Variants in ANO2 observed in about 807,000 individuals in gnomAD.
ANO2 encodes the protein anoctamin 2.
In ANO2, 101 loss-of-function variants were observed where a neutral mutation model predicts 124.2. The observed-to-expected ratio is 0.81, with a 90% CI of 0.69 to 0.96. ANO2 has a LOEUF of 0.96. ANO2 is among the 40% of genes least tolerant of loss of function. The pLI, the probability that ANO2 is intolerant of heterozygous loss-of-function variation, is 0.00. For synonymous variants in ANO2, 486 were observed against 482.5 expected (o/e 1.01, Z -0.09); for missense variants, 1,293 against 1,274.5 (o/e 1.01, Z -0.22).
At chr12:5,919,919 G>A (rs891912693) in intron 3 of ANO2, among the ~76,000 whole-genome samples, 4 of 152,024 alleles carry the variant, frequency 2.6e-5, no homozygotes, top group East Asian at 3.9e-4. Context: ...GAATGATCTC[G>A]ATCTCCTGAC....
chr12:5,579,914 G>C (rs1942646703), intron 20 of ANO2, among the ~76,000 whole-genome samples: 3 of 152,178 alleles, frequency 2.0e-5, no homozygotes, highest in Non-Finnish European at 4.4e-5. Flanking sequence ...CCTTGGTGAA[G>C]CCCCATCCCT....
intron 17 of ANO2, 106 bp from the exon 18 acceptor site, chr12:5,613,064 G>T: frequency 8.8e-7 from 1 of 1,140,136 alleles, no homozygotes; most frequent in Non-Finnish European, 1.3e-6. Flanking sequence ...CTCTTCGAAA[G>T]CACTGGTCAG....
At chr12:5,932,851 G>C (rs572996858) in intron 1 of ANO2, among the ~76,000 whole-genome samples, 40 of 152,328 alleles carry the variant, frequency 2.6e-4, no homozygotes, top group African/African-American at 9.6e-4. Flanking sequence ...TCTCCCTAGA[G>C]CTGTCAGGGA....
intron 3 of ANO2, among the ~76,000 whole-genome samples, chr12:5,907,114 G>C (rs990728139): frequency 1.3e-5 from 2 of 152,196 alleles, no homozygotes; most frequent in African/African-American, 2.4e-5. Context: ...TCTCAACAAA[G>C]AGTAAGCAGG....
intron 9 of ANO2, among the ~76,000 whole-genome samples, chr12:5,803,676 C>A (rs1049525567): frequency 6.6e-6 from 1 of 152,180 alleles, no homozygotes; most frequent in African/African-American, 2.4e-5. Flanking sequence ...CATCTACCCC[C>A]ACGCTGCTCC....
At chr12:5,603,711 C>T (rs921792077) in intron 19 of ANO2, among the ~76,000 whole-genome samples, 4 of 151,870 alleles carry the variant, frequency 2.6e-5, no homozygotes, top group Non-Finnish European at 4.4e-5. Context: ...TTTGGGAAGC[C>T]GAGGCGGGCA....
rs906396827 is a variant in ANO2 at position 5,904,629 on chromosome 12, G to A, written c.534+16411C>T. Among the ~76,000 whole-genome samples, 7 of 152,072 alleles carry A rather than the reference G, an allele frequency of 4.6e-5. No individual in the cohort carries two copies. Among genetic ancestry groups the A allele is most frequent in the African/African-American group, 7.2e-5 (3 of 41,392 alleles). ...GCCCCAGGTGACCCTGGTACCACAC[G>A]GCCCCGACATGCCACAGCACCCGAT... On this transcript the variant is annotated intron_variant, in intron 3 of 24. Coordinates refer to ENST00000682330, the MANE Select transcript of ANO2 (RefSeq NM_001364791.2). This position sits in a 1 kb window ranked among gnomAD's most constrained non-coding sequence, Gnocchi z 4.1.
chr12:5,863,952 C>T lies in ANO2; in HGVS notation c.535-9811G>A, dbSNP rs548450604. Among the ~76,000 whole-genome samples the T allele has an allele frequency of 1.8e-4, 27 of 152,082 alleles. No individual in the cohort carries two copies. The South Asian group carries it at 5.4e-3, about 30-fold the overall frequency. ...TATCTCAGAATCAAATAAGGTTGTA[C>T]ATATGAAGGTATTTTGTAAACTATG... On this transcript the variant is annotated intron_variant, in intron 3 of 24. Coordinates refer to ENST00000682330, the MANE Select transcript of ANO2 (RefSeq NM_001364791.2).
At chr12:5,615,365 G>T in intron 16 of ANO2, 68 bp from the exon 17 acceptor site, 1 of 1,185,440 alleles carries the variant, frequency 8.4e-7, no homozygotes, top group Non-Finnish European at 1.2e-6. Flanking sequence ...TTTTGACCTA[G>T]ACATGAGCTA....
At chr12:5,650,632 T>A (rs1946872994) in intron 14 of ANO2, among the ~76,000 whole-genome samples, 1 of 152,232 alleles carries the variant, frequency 6.6e-6, no homozygotes, top group African/African-American at 2.4e-5. Context: ...CACGGATACA[T>A]TAACAATACG....
In ANO2 at chr12:5,832,502, G is replaced by T. The variant is rs1954184794; in HGVS notation, c.735C>A (p.Asn245Lys). 1 of 1,613,980 alleles carries T rather than the reference G, an allele frequency of 6.2e-7. No homozygotes were observed. Among genetic ancestry groups the T allele is most frequent in the Non-Finnish European group, 8.5e-7 (1 of 1,179,886 alleles). ...GGTAGGAGAGGTTTTTCATCTTGTT[G>T]TTGCTGTGTTCTGGAACTCGGGGCT... Reference protein sequence around the residue: ...HLQPRVPEHSNNKMKNLSYPF... With the variant: ...HLQPRVPEHSKNKMKNLSYPF... The change falls in exon 5 of 25, where the codon AAC (asparagine) becomes AAA (lysine). Residue 245 changes from asparagine (N) to lysine (K), a missense_variant. Transcript: ENST00000682330.
intron 16 of ANO2, among the ~76,000 whole-genome samples, chr12:5,627,483 C>T (rs1369181664): frequency 6.6e-6 from 1 of 152,224 alleles, no homozygotes; most frequent in Non-Finnish European, 1.5e-5. Context: ...CCACCCATGT[C>T]CTGTGCTGGA....
At chr12:5,913,495 G>A (rs866198541) in intron 3 of ANO2, among the ~76,000 whole-genome samples, 28 of 152,298 alleles carry the variant, frequency 1.8e-4, no homozygotes, top group Admixed American at 1.4e-3. Flanking sequence ...AATCAGTCCC[G>A]CTTTGAATAC....
intron 3 of ANO2, among the ~76,000 whole-genome samples, chr12:5,864,420 C>G (rs1424914065): frequency 6.6e-6 from 1 of 152,236 alleles, no homozygotes; most frequent in African/African-American, 2.4e-5. Flanking sequence ...CCAGCCCAAA[C>G]AGGGGATCCT....
intron 7 of ANO2, 38 bp from the exon 8 acceptor site, chr12:5,807,406 G>C: frequency 6.5e-7 from 1 of 1,530,316 alleles, no homozygotes; most frequent in Non-Finnish European, 8.8e-7. Context: ...TAACTCTGGG[G>C]CAAGCGTTTC....
chr12:5,631,373 C>T (rs780945970), intron 16 of ANO2, among the ~76,000 whole-genome samples: 4 of 152,178 alleles, frequency 2.6e-5, no homozygotes. Flanking sequence ...CCTTGAAATA[C>T]CTTTCCTGAC....
chr12:5,785,309 A>G (rs1290294499), intron 10 of ANO2, among the ~76,000 whole-genome samples: 1 of 152,078 alleles, frequency 6.6e-6, no homozygotes, highest in Non-Finnish European at 1.5e-5. Flanking sequence ...AGGGAGAAAC[A>G]CGCAGCTACA....
At position 5,750,869 on chromosome 12, in the gene ANO2, T is replaced by A. The variant is rs1441000434; in HGVS notation, c.1157A>T (p.Tyr386Phe). 3 of 1,612,932 alleles carry A rather than the reference T, an allele frequency of 1.9e-6. No individual in the cohort carries two copies. The highest frequency in any genetic ancestry group is 1.7e-5 in the Admixed American group (1 of 59,942). ...ATCTTCTTCAATTGTTGCACATCCA[T>A]AAAGAAACACAATCACTCCAATTAC... ...SSVIGVIVFL[Y>F]GCATIEEDIP... Residue 386 changes from tyrosine to phenylalanine, a missense_variant, in exon 11 of 25, where the codon TAT becomes TTT. Transcript: ENST00000682330.
chr12:5,924,699 T>G (rs936078038), intron 1 of ANO2, among the ~76,000 whole-genome samples: 1 of 152,246 alleles, frequency 6.6e-6, no homozygotes, highest in East Asian at 1.9e-4. Context: ...TATATTCACC[T>G]TGTCCAAAGC....
Sources: allele counts gnomAD v4.1 joint callset (sites outside exome capture counted in the v4.1 genomes callset), GRCh38; gene constraint gnomAD v4.1.1; non-coding constraint Gnocchi (gnomAD v3.1); transcripts MANE v1.5; gene names NCBI Gene and HGNC (gene_info 2026-07-23, HGNC 2026-07-21).